Variants in OC90 observed in about 807,000 individuals in gnomAD.
The protein encoded by OC90 is otoconin-90.
Under a neutral mutation model 47.3 loss-of-function variants are expected in OC90, and 46 were observed. That is an observed-to-expected ratio of 0.97 (90% CI 0.77 to 1.24). The LOEUF is 1.24. OC90 is among the 50% of genes most tolerant of loss of function. The probability of loss-of-function intolerance (pLI) is 0.00; values close to 1 mark genes in which losing one functional copy is unlikely to be tolerated. For synonymous variants in OC90, 271 were observed against 219.5 expected (o/e 1.23, Z -2.07); for missense variants, 688 against 583.9 (o/e 1.18, Z -1.84).
At chr8:132,047,923 G>T (rs553145155) in intron 2 of OC90, among the ~76,000 whole-genome samples, 6 of 152,156 alleles carry the variant, frequency 3.9e-5, no homozygotes, top group Non-Finnish European at 7.3e-5. Flanking sequence ...AGGGCCTTTG[G>T]GAGGTGATTA....
intron 13 of OC90, 58 bp downstream of exon 13, chr8:132,029,015 C>G (rs1417135479): frequency 8.6e-7 from 1 of 1,164,848 alleles, no homozygotes; most frequent in African/African-American, 1.5e-5. Context: ...GTCTGAGCTA[C>G]AGTCACGATG....
intron 2 of OC90, among the ~76,000 whole-genome samples, chr8:132,050,447 C>T (rs79272030): frequency 6.6e-6 from 1 of 152,100 alleles, no homozygotes; most frequent in Non-Finnish European, 1.5e-5. Flanking sequence ...TGTCCTACCT[C>T]TAAGTAAGAT....
chr8:132,030,500 G>A (rs1377053762), intron 12 of OC90, among the ~76,000 whole-genome samples: 1 of 152,090 alleles, frequency 6.6e-6, no homozygotes, highest in Non-Finnish European at 1.5e-5. Flanking sequence ...TTTTTCCCAA[G>A]GGGTTCAACA....
rs192343800 is a variant in OC90, at chr8:132,058,457, C to T, written c.-48+884G>A. 1.1e-4 allele frequency among the ~76,000 whole-genome samples: 17 copies of T among 152,264 alleles called. No individual in the cohort carries two copies. The East Asian group carries it at 3.1e-3, about 28-fold the overall frequency. On this transcript the variant is annotated intron_variant, in intron 1 of 13. Coordinates refer to ENST00000254627, the MANE Select transcript of OC90 (RefSeq NM_001080399.3). ...CATGCCAGGTTTGGAGTCCCGGCTC[C>T]CCTAGCTGTCTCCCAATGGCCGGTC...
At chr8:132,036,738 G>A (rs139786126) in intron 9 of OC90, among the ~76,000 whole-genome samples, 25 of 152,364 alleles carry the variant, frequency 1.6e-4, no homozygotes, top group East Asian at 5.8e-4. Context: ...GTCTCTAATC[G>A]CAGCTTTGCC....
At position 132,024,607 on chromosome 8, in the gene OC90, G is replaced by T. The variant is rs1586703680; in HGVS notation, c.1308C>A (p.Pro436=). ...EDSLHPVPAA[P]TLGSSSEEDS... is the part of the protein sequence containing the mutation. ...CCTCCTCAGAGCTGGAGCCCAGGGT[G>T]GGGGCTGCGGGCACAGGGTGCAGGC... The change falls in exon 14 of 14, where the codon CCC becomes CCA. Residue 436 remains proline, a synonymous_variant. Coordinates refer to ENST00000254627, the MANE Select transcript of OC90 (RefSeq NM_001080399.3). 6.2e-7 allele frequency: 1 copy of T among 1,613,504 alleles called. No individual in the cohort carries two copies. The highest frequency in any genetic ancestry group is 1.7e-4 in the Middle Eastern group (1 of 6,060).
chr8:132,036,543 T>C (rs756045826), intron 9 of OC90: 295 of 709,884 alleles, frequency 4.2e-4, no homozygotes, highest in Non-Finnish European at 6.6e-4. Context: ...TCAGGGCATA[T>C]GGCTGCACAA....
chr8:132,032,032 G>A lies in OC90; in HGVS notation c.880C>T (p.Leu294=). 1 of 1,613,898 alleles carries A rather than the reference G, an allele frequency of 6.2e-7. No individual in the cohort carries two copies. Among genetic ancestry groups the A allele is most frequent in the Non-Finnish European group, 8.5e-7 (1 of 1,179,802 alleles). Reference sequence around the variant, plus strand: ...ATGTTGTCCCCACTTCCCAGGTGCAGGAAGGTGAATCTGTCACAGGCTGAA... The same window carrying A: ...ATGTTGTCCCCACTTCCCAGGTGCAAGAAGGTGAATCTGTCACAGGCTGAA... ...TEKACDRFTF[L]HLGSGDNMQV... The change falls in exon 12 of 14, where the codon CTG becomes TTG. Residue 294 remains leucine (L), a synonymous_variant. Transcript: ENST00000254627.
intron 2 of OC90, among the ~76,000 whole-genome samples, chr8:132,047,394 C>A (rs1207693385): frequency 6.6e-6 from 1 of 152,194 alleles, no homozygotes; most frequent in Non-Finnish European, 1.5e-5. Flanking sequence ...CTGGGAGTTA[C>A]AGTGAGTCTA....
chr8:132,026,914 C>A (rs1372542020), intron 13 of OC90, among the ~76,000 whole-genome samples: 1 of 152,122 alleles, frequency 6.6e-6, no homozygotes, highest in East Asian at 1.9e-4. Context: ...TACAACTGGG[C>A]CTCCCACTTC....
At chr8:132,049,727 A>G in intron 2 of OC90, 2 of 477,456 alleles carry the variant, frequency 4.2e-6, no homozygotes, top group South Asian at 1.5e-5. Flanking sequence ...CCTTCTTCAC[A>G]CCTTCCATTC....
intron 2 of OC90, among the ~76,000 whole-genome samples, chr8:132,049,514 T>C (rs370039427): frequency 1.3e-5 from 2 of 152,194 alleles, no homozygotes; most frequent in Non-Finnish European, 2.9e-5. Flanking sequence ...TTTAGAAGGA[T>C]ATTAGGGAAC....
intron 7 of OC90, 52 bp from the exon 8 acceptor site, chr8:132,038,883 G>T: frequency 6.2e-7 from 1 of 1,606,508 alleles, no homozygotes; most frequent in South Asian, 1.1e-5. Context: ...GTTTGAGGGA[G>T]GGTTTGAAGA....
chr8:132,054,577 C>T (rs183493769), intron 2 of OC90, among the ~76,000 whole-genome samples: 2 of 152,194 alleles, frequency 1.3e-5, no homozygotes. Context: ...ACACACTTAC[C>T]CTTGAAAAAA....
At position 132,025,406 on chromosome 8, in the gene OC90, A is replaced by G. The variant is rs1286655366; in HGVS notation, c.1139-630T>C. Among the ~76,000 whole-genome samples, 4 of 152,164 alleles carry G rather than the reference A, an allele frequency of 2.6e-5. No individual in the cohort carries two copies. In the East Asian group the frequency reaches 7.7e-4, roughly 29 times the overall value. On this transcript the variant is annotated intron_variant, in intron 13 of 13. Transcript: ENST00000254627. Reference sequence around the variant, plus strand: ...ATGTCCAGGCATGCACAGTAAGGGGAAAATTGGCAGCATTTGACCCATCTA... The same window carrying G: ...ATGTCCAGGCATGCACAGTAAGGGGGAAATTGGCAGCATTTGACCCATCTA...
intron 13 of OC90, 119 bp from the exon 14 acceptor site, chr8:132,024,895 G>A: frequency 3.7e-6 from 3 of 818,408 alleles, no homozygotes; most frequent in South Asian, 3.6e-5. Context: ...CACACCTTCA[G>A]GGTATCCACC....
chr8:132,028,997 A>T (rs1361692168), intron 13 of OC90, 76 bp downstream of exon 13: 1 of 1,006,448 alleles, frequency 9.9e-7, no homozygotes, highest in Non-Finnish European at 1.6e-6. Flanking sequence ...TTGGGAAACC[A>T]TCCACAAGTC....
At position 132,038,802 on chromosome 8, in the gene OC90, G is replaced by T; in HGVS notation, c.616C>A (p.Leu206Ile). ...TGGGAGGCCTTACCTCTGGGCAGAA[G>T]TGTTGTCAAGTCTTCCTTGATGGTT... ...ETTIKEDLTT[L>I]LPRVVPVEPT... Residue 206 changes from leucine to isoleucine, a missense_variant, in exon 8 of 14, where the codon CTT (leucine) becomes ATT (isoleucine). Leu to Ile is a conservative substitution (Grantham distance 5). Transcript: ENST00000254627. 1 of 1,613,836 alleles carries T rather than the reference G, an allele frequency of 6.2e-7. No individual in the cohort carries two copies. The highest frequency in any genetic ancestry group is 1.1e-5 in the South Asian group (1 of 91,068).
intron 11 of OC90, among the ~76,000 whole-genome samples, chr8:132,032,647 T>G (rs1822892634): frequency 6.6e-6 from 1 of 152,216 alleles, no homozygotes; most frequent in African/African-American, 2.4e-5. Flanking sequence ...GTGGCCTCCT[T>G]GCAGGTGCAG....
Sources: gnomAD v4.1 joint callset for allele counts (sites outside exome capture counted in the v4.1 genomes callset) on GRCh38, gnomAD v4.1.1 for gene constraint, MANE v1.5 for transcripts, NCBI Gene and HGNC (gene_info 2026-07-23, HGNC 2026-07-21) for gene names.